Variants in GRHL2 observed in about 807,000 individuals in gnomAD.
The protein encoded by GRHL2 is grainyhead like transcription factor 2, also known as grainyhead-like protein 2 homolog.
GRHL2 carries 21 observed loss-of-function variants against 83.8 expected under a neutral mutation model. The observed-to-expected ratio is 0.25, with a 90% CI of 0.18 to 0.36. The LOEUF is 0.36. Among genes scored for constraint, GRHL2 ranks in the 10% least tolerant of loss-of-function variants. The pLI, the probability that GRHL2 is intolerant of heterozygous loss-of-function variation, is 1.00. For synonymous variants in GRHL2, 280 were observed against 278.9 expected (o/e 1.00, Z -0.04); for missense variants, 623 against 781.8 (o/e 0.80, Z 2.42).
chr8:101,598,581 A>ATTTTT (rs61519476), intron 7 of GRHL2, among the ~76,000 whole-genome samples: 9 of 117,642 alleles, frequency 7.7e-5, no homozygotes, highest in African/African-American at 1.1e-4. Flanking sequence ...GGTCTCCTGA[A>ATTTTT]TTTTTTTTTT....
chr8:101,529,057 G>GT, intron 1 of GRHL2: 1 of 381,798 alleles, frequency 2.6e-6, no homozygotes, highest in Non-Finnish European at 5.1e-6. Flanking sequence ...CACGTCAACA[G>GT]TTTTTTCAGG....
At chr8:101,495,878 G>A (rs1030684313) in intron 1 of GRHL2, among the ~76,000 whole-genome samples, 6 of 152,148 alleles carry the variant, frequency 3.9e-5, no homozygotes, top group African/African-American at 1.4e-4. Context: ...GCCAGGCGCG[G>A]CGGCTCACAC....
intron 1 of GRHL2, among the ~76,000 whole-genome samples, chr8:101,522,926 T>C (rs1049627294): frequency 6.6e-6 from 1 of 151,964 alleles, no homozygotes; most frequent in African/African-American, 2.4e-5. Context: ...TCTTTTTTTT[T>C]TTAGATGGAA....
intron 4 of GRHL2, among the ~76,000 whole-genome samples, chr8:101,565,769 C>T (rs1811704943): frequency 6.6e-6 from 1 of 152,204 alleles, no homozygotes; most frequent in South Asian, 2.1e-4. Flanking sequence ...TTAGTCCTCC[C>T]ATGTGCTCAG....
intron 7 of GRHL2, among the ~76,000 whole-genome samples, chr8:101,581,787 A>C (rs985199534): frequency 1.3e-5 from 2 of 152,206 alleles, no homozygotes; most frequent in African/African-American, 4.8e-5. Context: ...ACTAGCTAAG[A>C]TATCACGTGG....
intron 1 of GRHL2, among the ~76,000 whole-genome samples, chr8:101,497,716 G>A (rs544231824): frequency 1.2e-4 from 18 of 152,256 alleles, no homozygotes; most frequent in Admixed American, 3.3e-4. Context: ...GCCTTAAATA[G>A]GGCAACACTG....
chr8:101,552,694 G>A, intron 2 of GRHL2, 21 bp from the exon 3 acceptor site: 1 of 1,613,424 alleles, frequency 6.2e-7, no homozygotes, highest in South Asian at 1.1e-5. Context: ...ATGTCTGACT[G>A]ATGGTTGGTG....
intron 6 of GRHL2, among the ~76,000 whole-genome samples, chr8:101,575,300 G>A (rs893358032): frequency 6.6e-6 from 1 of 152,048 alleles, no homozygotes; most frequent in Non-Finnish European, 1.5e-5. Flanking sequence ...AAAATGGTGG[G>A]TGGTTAGTAT....
chr8:101,612,468 A>T (rs1216220166), intron 8 of GRHL2, among the ~76,000 whole-genome samples: 1 of 147,140 alleles, frequency 6.8e-6, no homozygotes, highest in Non-Finnish European at 1.5e-5. Context: ...CAGAGTGTGG[A>T]TGGATGGATG....
chr8:101,638,740 T>C (rs895519481), intron 12 of GRHL2, among the ~76,000 whole-genome samples: 2 of 152,224 alleles, frequency 1.3e-5, no homozygotes, highest in Admixed American at 6.5e-5. Context: ...CTTTTTATCT[T>C]GGCACATAGA....
At chr8:101,494,710 G>A (rs1810058793) in intron 1 of GRHL2, among the ~76,000 whole-genome samples, 1 of 152,154 alleles carries the variant, frequency 6.6e-6, no homozygotes, top group Non-Finnish European at 1.5e-5. Context: ...GAATGAAAAC[G>A]GGTCGGTCTT....
chr8:101,553,298 CCCTCCTCAA>C (rs1305221617), intron 3 of GRHL2, among the ~76,000 whole-genome samples: 3 of 152,180 alleles, frequency 2.0e-5, no homozygotes, highest in Non-Finnish European at 4.4e-5. Flanking sequence ...CCCTTGTCTG[CCCTCCTCAA>C]TCAAGAACCA....
intron 1 of GRHL2, among the ~76,000 whole-genome samples, chr8:101,522,730 TACATATACATATATATATATACACAC>T (rs1196322244): frequency 8.7e-5 from 13 of 149,300 alleles, no homozygotes; most frequent in Non-Finnish European, 1.9e-4. Flanking sequence ...TTTATACATA[TACATATACATATATATATATACACAC>T]ACATATACAT....
Position 101,586,065 on chromosome 8 carries a change from C to CTTTTTTTTTTTT in GRHL2, c.1003+8560_1003+8571dup, listed in dbSNP as rs67985027. Among the ~76,000 whole-genome samples, 214 of 94,262 alleles carry CTTTTTTTTTTTT rather than the reference C, an allele frequency of 2.3e-3. 18 individuals carry two copies. Among genetic ancestry groups the CTTTTTTTTTTTT allele is most frequent in the Middle Eastern group, 6.1e-3 (1 of 164 alleles). 61.8% of individuals were successfully genotyped at this position (94,262 alleles called of 152,430 possible). A position where few individuals can be genotyped will look rare whatever the true frequency, so the allele number is the denominator to read the frequency against. On this transcript the variant is annotated intron_variant, in intron 7 of 15. Coordinates refer to ENST00000646743, the MANE Select transcript of GRHL2 (RefSeq NM_024915.4). ...TCTTCTTTCCTTCCACCTCATGTTT[C>CTTTTTTTTTTTT]TTTTTTTTTTTTTTTTTTTTTTTTT...
At chr8:101,620,148 A>G (rs954574120) in intron 9 of GRHL2, among the ~76,000 whole-genome samples, 2 of 152,138 alleles carry the variant, frequency 1.3e-5, no homozygotes, top group East Asian at 3.9e-4. Context: ...CACGTGCACA[A>G]GCTCTCTGGT....
At position 101,627,218 on chromosome 8, in the gene GRHL2, G is replaced by T. The variant is rs115069964; in HGVS notation, c.1258-4419G>T. 4.2e-3 allele frequency among the ~76,000 whole-genome samples: 638 copies of T among 152,130 alleles called. 5 individuals are homozygous for T. The highest frequency in any genetic ancestry group is 0.014 in the African/African-American group (595 of 41,538). On this transcript the variant is annotated intron_variant, in intron 9 of 15. Transcript: ENST00000646743. The stretch of plus-strand genomic sequence containing the variant: ...GAAAACAAATTTTTACAAATGGAAG[G>T]TTTGTGACAACCCTGTATTGATCAA...
Position 101,543,256 on chromosome 8 carries a change from G to T in GRHL2, c.36G>T (p.Val12=). The change falls in exon 2 of 16, where the codon GTG becomes GTT. Residue 12 remains valine (V), a synonymous_variant. Transcript: ENST00000646743. ...GTTTTTACAGTAATAAAAGACTAGTGGCCTTAGTGCCCATGCCCAGTGACC... is the reference window on the plus strand; with the variant it reads ...GTTTTTACAGTAATAAAAGACTAGTTGCCTTAGTGCCCATGCCCAGTGACC... ...SQESDNNKRL[V]ALVPMPSDPP... is the part of the protein sequence containing the mutation. The T allele has an allele frequency of 6.2e-7, 1 of 1,613,966 alleles. No homozygotes were observed. The highest frequency in any genetic ancestry group is 8.5e-7 in the Non-Finnish European group (1 of 1,179,856).
intron 14 of GRHL2, among the ~76,000 whole-genome samples, chr8:101,654,086 G>T (rs1813733814): frequency 6.6e-6 from 1 of 152,172 alleles, no homozygotes; most frequent in African/African-American, 2.4e-5. Context: ...TTAGGAATTG[G>T]CCTGGGTCTA....
chr8:101,637,394 C>T (rs1813310753), intron 12 of GRHL2, among the ~76,000 whole-genome samples: 3 of 152,164 alleles, frequency 2.0e-5, no homozygotes, highest in African/African-American at 7.2e-5. Flanking sequence ...GAGAAGTTAG[C>T]CTGGCAGGCC....
Sources: gnomAD v4.1 joint callset for allele counts (sites outside exome capture counted in the v4.1 genomes callset) on GRCh38, gnomAD v4.1.1 for gene constraint, MANE v1.5 for transcripts, NCBI Gene and HGNC (gene_info 2026-07-23, HGNC 2026-07-21) for gene names.